ERICH1: variants seen among roughly 807,000 people sequenced by gnomAD.
ERICH1 encodes the protein glutamate-rich protein 1.
In ERICH1, 56 loss-of-function variants were observed where a neutral mutation model predicts 39.6. The ratio of observed to expected loss-of-function variants is 1.41; its 90% CI spans 1.14 to 1.77. ERICH1 has a LOEUF of 1.77. Among genes scored for constraint, ERICH1 ranks in the 40% most tolerant of loss-of-function variants. The pLI, the probability that ERICH1 is intolerant of heterozygous loss-of-function variation, is 0.00. For missense variants in ERICH1, 826 were observed against 575.4 expected (o/e 1.44, Z -4.45); for synonymous variants, 313 against 223.6 (o/e 1.40, Z -3.57).
intron 3 of ERICH1, among the ~76,000 whole-genome samples, chr8:676,533 G>GGACAGAGGCGCGGCGGCCCCTCGTGAC: frequency 6.6e-6 from 1 of 152,020 alleles, no homozygotes; most frequent in Non-Finnish European, 1.5e-5. Context: ...CCCCTCGTGA[G>GGACAGAGGCGCGGCGGCCCCTCGTGAC]GACAGAGGCA....
intron 3 of ERICH1, chr8:656,826 AG>A: frequency 9.1e-6 from 9 of 985,410 alleles, no homozygotes; most frequent in Non-Finnish European, 9.6e-6. Context: ...CACTCTGAAG[AG>A]CCCCCGGGGA....
At chr8:632,967 G>A (rs1261225298) in intron 3 of ERICH1, among the ~76,000 whole-genome samples, 1 of 152,252 alleles carries the variant, frequency 6.6e-6, no homozygotes, top group Non-Finnish European at 1.5e-5. Flanking sequence ...ACCATCAGCA[G>A]TGCCAGACAA....
chr8:618,317 T>G (rs73525328), intron 3 of ERICH1, among the ~76,000 whole-genome samples: 4,819 of 151,950 alleles, frequency 0.032, 243 homozygotes, highest in African/African-American at 0.11. Context: ...TGCTCAGTAC[T>G]CTGTGTTCCA....
At chr8:701,195 T>C (rs1189292549) in intron 2 of ERICH1, among the ~76,000 whole-genome samples, 6 of 152,022 alleles carry the variant, frequency 3.9e-5, no homozygotes, top group African/African-American at 1.5e-4. Context: ...GAGCACACCG[T>C]ACCCACGGGT....
At chr8:723,349 G>C (rs1012167227) in intron 1 of ERICH1, among the ~76,000 whole-genome samples, 1 of 152,200 alleles carries the variant, frequency 6.6e-6, no homozygotes, top group African/African-American at 2.4e-5. Context: ...AACACTCACA[G>C]AGAACAAAAT....
At chr8:662,966 TG>T (rs1801652392), downstream of ERICH1, among the ~76,000 whole-genome samples, 2 of 152,202 alleles carry the variant, frequency 1.3e-5, no homozygotes, top group Admixed American at 1.3e-4. Flanking sequence ...GCCTCATGTG[TG>T]GCCTCCTGGG....
chr8:679,186 CT>C (rs1805543591), intron 3 of ERICH1, among the ~76,000 whole-genome samples: 1 of 147,056 alleles, frequency 6.8e-6, no homozygotes, highest in Non-Finnish European at 1.5e-5. Context: ...GCACCCACCC[CT>C]CAAAGCTCCA....
At chr8:615,188 TG>T (rs1796848339) in exon 4 of ERICH1, 1 of 654,636 alleles carries the variant, frequency 1.5e-6, no homozygotes, top group East Asian at 2.7e-5. Flanking sequence ...CAGTTCCTCT[TG>T]ACCTGGAATT....
At chr8:654,008 G>GA (rs1800302711) in intron 3 of ERICH1, among the ~76,000 whole-genome samples, 1 of 152,258 alleles carries the variant, frequency 6.6e-6, no homozygotes, top group Non-Finnish European at 1.5e-5. Flanking sequence ...CACAGAGACA[G>GA]AAAGTAGGAT....
rs570615208 is a variant in ERICH1, at chr8:681,217, C to T, written c.305-7170G>A. Among the ~76,000 whole-genome samples the T allele has an allele frequency of 1.2e-4, 18 of 152,306 alleles. No individual in the cohort carries two copies. The East Asian group carries it at 2.7e-3, about 23-fold the overall frequency. On this transcript the variant is annotated intron_variant, in intron 3 of 5. Transcript: ENST00000262109. The stretch of plus-strand genomic sequence containing the variant: ...AATCGCCACGCCCAGAGCCCTGCAG[C>T]GCTGCCCAGCCTGAGGAGGCTGAGT...
At chr8:615,187 T>A in exon 4 of ERICH1, 1 of 654,264 alleles carries the variant, frequency 1.5e-6, no homozygotes, top group South Asian at 1.7e-5. Flanking sequence ...ACAGTTCCTC[T>A]TGACCTGGAA....
chr8:678,746 T>C (rs1805420322), intron 3 of ERICH1, among the ~76,000 whole-genome samples: 1 of 152,176 alleles, frequency 6.6e-6, no homozygotes, highest in Admixed American at 6.5e-5. Context: ...AGGCGGAGCT[T>C]GCAGTGAGCC....
At chr8:697,525 C>T (rs1448205756) in intron 2 of ERICH1, among the ~76,000 whole-genome samples, 2 of 152,202 alleles carry the variant, frequency 1.3e-5, no homozygotes, top group African/African-American at 4.8e-5. Flanking sequence ...TCCCCAGCCC[C>T]AGGCGACCCC....
chr8:699,812 T>TCACAGGCGCACAGAC, intron 2 of ERICH1, among the ~76,000 whole-genome samples: 1 of 26,952 alleles, frequency 3.7e-5, no homozygotes, highest in African/African-American at 1.4e-4. Flanking sequence ...CGCGCACAGA[T>TCACAGGCGCACAGAC]CCGCACAAGC....
At chr8:628,903 C>T (rs552399335) in intron 3 of ERICH1, among the ~76,000 whole-genome samples, 3 of 152,304 alleles carry the variant, frequency 2.0e-5, no homozygotes, top group East Asian at 3.9e-4. Flanking sequence ...GCTCACGAAC[C>T]TCGGGGTCCC....
Position 673,877 on chromosome 8 carries a change from T to A in ERICH1, c.475A>T (p.Lys159Ter). 6.2e-7 allele frequency: 1 copy of A among 1,613,704 alleles called. No individual in the cohort carries two copies. The highest frequency in any genetic ancestry group is 1.1e-5 in the South Asian group (1 of 91,062). ...TTTTTCAGTTTCCTTTTTTTATTTT[T>A]GCTTATTGTGGTGCCATCTGTGTGC... ...RQHTDGTTISKNKKRKLKKKQ... is the reference protein window; with the variant it reads ...RQHTDGTTIS Residue 159 changes from lysine (K) to a stop codon, truncating the protein, a stop_gained, in exon 4 of 6, where the codon AAA (lysine) becomes TAA (stop). Coordinates refer to ENST00000262109, the MANE Select transcript of ERICH1 (RefSeq NM_207332.3). LOFTEE classifies it high-confidence loss of function.
At chr8:638,563 C>A (rs911580425) in intron 3 of ERICH1, among the ~76,000 whole-genome samples, 1 of 152,084 alleles carries the variant, frequency 6.6e-6, no homozygotes, top group East Asian at 1.9e-4. Flanking sequence ...GAGCTGTGAT[C>A]GTGTACGAGG....
chr8:642,520 AT>A (rs1439890176), intron 3 of ERICH1, among the ~76,000 whole-genome samples: 1 of 151,454 alleles, frequency 6.6e-6, no homozygotes, highest in Non-Finnish European at 1.5e-5. Context: ...AATTTTTTGT[AT>A]TTTTAGTAGA....
Position 624,302 on chromosome 8 carries a change from A to G in ERICH1, c.977-9018T>C, listed in dbSNP as rs117398598. Among the ~76,000 whole-genome samples the G allele has an allele frequency of 2.4e-3, 361 of 152,340 alleles. 8 individuals are homozygous for G. The East Asian group carries it at 0.05, about 21-fold the overall frequency. Reference sequence around the variant, plus strand: ...CTGAGATGAGGAACCAAGGAAATGCATACTTTCCTGATAAGGATGTGAGAT... The same window carrying G: ...CTGAGATGAGGAACCAAGGAAATGCGTACTTTCCTGATAAGGATGTGAGAT... On this transcript the variant is annotated intron_variant, in intron 3 of 3. Coordinates refer to the ERICH1 transcript ENST00000522706.
Sources: allele counts gnomAD v4.1 joint callset (sites outside exome capture counted in the v4.1 genomes callset), GRCh38; gene constraint gnomAD v4.1.1; transcripts MANE v1.5; gene names NCBI Gene and HGNC (gene_info 2026-07-23, HGNC 2026-07-21).